The following PRR16 variants were observed in gnomAD, a reference collection of about 807,000 sequenced individuals.
PRR16 encodes the protein protein Largen.
PRR16 carries 6 observed loss-of-function variants against 18.2 expected under a neutral mutation model. The observed-to-expected ratio is 0.33, with a 90% CI of 0.18 to 0.65. PRR16 has a LOEUF of 0.65. Ranked by LOEUF, PRR16 falls within the 30% of genes least tolerant of loss-of-function variation. PRR16 has a pLI of 0.74. For missense variants in PRR16, 412 were observed against 376.6 expected, an observed-to-expected ratio of 1.09 and a Z score of -0.78; for synonymous variants, 151 against 147.8, an observed-to-expected ratio of 1.02 and a Z score of -0.16.
the PRR16 span, among the ~76,000 whole-genome samples, chr5:120,758,183 G>A: frequency 2.0e-5 from 3 of 151,984 alleles, no homozygotes. Flanking sequence ...CAAAAATAAT[G>A]GAAATAGTTT....
chr5:120,609,398 C>A (rs1203457728), intron 1 of PRR16, among the ~76,000 whole-genome samples: 2 of 151,104 alleles, frequency 1.3e-5, no homozygotes, highest in African/African-American at 2.5e-5. Context: ...TAGCTCTATC[C>A]TACTTTCTAA....
At chr5:120,627,483 TTA>T (rs1399791095) in intron 1 of PRR16, among the ~76,000 whole-genome samples, 2 of 152,050 alleles carry the variant, frequency 1.3e-5, no homozygotes, top group Non-Finnish European at 2.9e-5. Flanking sequence ...GACTGATGAA[TTA>T]TGATAGTCTT....
chr5:120,712,703 T>C, the PRR16 span, among the ~76,000 whole-genome samples: 12 of 152,130 alleles, frequency 7.9e-5, no homozygotes, highest in Admixed American at 2.0e-4. Context: ...AAAACAGATA[T>C]ATGAAAAGGT....
At chr5:120,648,139 T>A (rs907112519) in intron 1 of PRR16, among the ~76,000 whole-genome samples, 2 of 152,142 alleles carry the variant, frequency 1.3e-5, no homozygotes, top group African/African-American at 4.8e-5. Context: ...ATATACAGTT[T>A]AGAAAAGGAT....
chr5:120,635,676 A>G (rs543093048), intron 1 of PRR16, among the ~76,000 whole-genome samples: 2 of 152,278 alleles, frequency 1.3e-5, no homozygotes, highest in African/African-American at 4.8e-5. Flanking sequence ...TGAATGGGGA[A>G]AAGTTAAAAG....
intron 1 of PRR16, among the ~76,000 whole-genome samples, chr5:120,625,034 C>G (rs1580801328): frequency 6.6e-6 from 1 of 152,286 alleles, no homozygotes; most frequent in East Asian, 1.9e-4. Context: ...GTCCAATAAA[C>G]CTCTTTCCAT....
the PRR16 span, chr5:120,790,822 T>C: frequency 6.7e-6 from 1 of 149,628 alleles, no homozygotes; most frequent in African/African-American, 2.5e-5. Context: ...GTAAGAATTC[T>C]CAAGACATTG....
intron 1 of PRR16, among the ~76,000 whole-genome samples, chr5:120,660,991 G>T (rs893393087): frequency 2.8e-4 from 42 of 152,134 alleles, no homozygotes; most frequent in Non-Finnish European, 7.4e-5. Context: ...AGATCTTTGA[G>T]AGTTTCTGTC....
At chr5:120,730,506 T>C in the PRR16 span, among the ~76,000 whole-genome samples, 1 of 152,110 alleles carries the variant, frequency 6.6e-6, no homozygotes, top group Non-Finnish European at 1.5e-5. Context: ...TAAGAGTTGA[T>C]AAAAATTAAC....
At chr5:120,608,057 A>G (rs184624663) in intron 1 of PRR16, among the ~76,000 whole-genome samples, 1 of 152,292 alleles carries the variant, frequency 6.6e-6, no homozygotes, top group Non-Finnish European at 1.5e-5. Context: ...ATTTGGCTAC[A>G]TGTTCTTGAG....
chr5:120,601,107 T>C (rs1753968067), intron 1 of PRR16, among the ~76,000 whole-genome samples: 1 of 151,984 alleles, frequency 6.6e-6, no homozygotes, highest in African/African-American at 2.4e-5. Flanking sequence ...GATTGCTGGG[T>C]CAAAATGGTA....
the PRR16 span, among the ~76,000 whole-genome samples, chr5:120,753,664 T>G: frequency 1.3e-5 from 2 of 150,968 alleles, no homozygotes; most frequent in Non-Finnish European, 3.0e-5. Flanking sequence ...TCTTACTATA[T>G]GCCAATCACT....
chr5:120,628,712 A>T (rs1368606252), intron 1 of PRR16, among the ~76,000 whole-genome samples: 5 of 126,428 alleles, frequency 4.0e-5, no homozygotes, highest in Admixed American at 2.0e-4. Context: ...CTATCTATCT[A>T]TCTATCTATC....
chr5:120,591,734 G>A (rs540936709), intron 1 of PRR16, among the ~76,000 whole-genome samples: 9 of 152,024 alleles, frequency 5.9e-5, no homozygotes, highest in Non-Finnish European at 1.0e-4. Flanking sequence ...AGTAGCCTTC[G>A]TTGATTTCAA....
At chr5:120,534,349 C>A (rs1751647577) in intron 1 of PRR16, among the ~76,000 whole-genome samples, 1 of 152,016 alleles carries the variant, frequency 6.6e-6, no homozygotes. Context: ...TTATATTTTT[C>A]CTTTTATCTG....
chr5:120,558,120 G>T (rs1752472939), intron 1 of PRR16, among the ~76,000 whole-genome samples: 1 of 151,772 alleles, frequency 6.6e-6, no homozygotes, highest in South Asian at 2.1e-4. Context: ...ATCTCCTAAA[G>T]CATTTATCCT....
At chr5:120,754,231 A>ATAAT in the PRR16 span, among the ~76,000 whole-genome samples, 17 of 87,644 alleles carry the variant, frequency 1.9e-4, no homozygotes, top group South Asian at 6.3e-4. Flanking sequence ...TATATAATAT[A>ATAAT]ATATATAATT....
rs1580883590 is a variant in PRR16 at position 120,686,627 on chromosome 5, T to C, written c.833T>C (p.Ile278Thr). 6.2e-7 allele frequency: 1 copy of C among 1,608,714 alleles called. No homozygotes were observed. Among genetic ancestry groups the C allele is most frequent in the Non-Finnish European group, 8.5e-7 (1 of 1,176,946 alleles). ...AGCCACAGTAACAGCTTCCCCCCTA[T>C]CAGACCTGCAACTGTGCCTCCTCCC... ...GISHSNSFPP[I>T]RPATVPPPTA... is the part of the protein sequence containing the mutation. Residue 278 changes from isoleucine (I) to threonine (T), a missense_variant, in exon 2 of 2, where the codon ATC (isoleucine) becomes ACC (threonine). Coordinates refer to ENST00000407149, the MANE Select transcript of PRR16 (RefSeq NM_001300783.2).
At chr5:120,778,483 A>T in the PRR16 span, among the ~76,000 whole-genome samples, 2 of 152,166 alleles carry the variant, frequency 1.3e-5, no homozygotes, top group South Asian at 4.1e-4. Flanking sequence ...TTTATTTCTA[A>T]TGTCTTTTGA....
Sources: gnomAD v4.1 joint callset for allele counts (sites outside exome capture counted in the v4.1 genomes callset) on GRCh38, gnomAD v4.1.1 for gene constraint, MANE v1.5 for transcripts, NCBI Gene and HGNC (gene_info 2026-07-23, HGNC 2026-07-21) for gene names.